NRXN1: variants seen among roughly 807,000 people sequenced by gnomAD.
The protein encoded by NRXN1 is neurexin 1.
Under a neutral mutation model 150.9 loss-of-function variants are expected in NRXN1, and 39 were observed. The ratio of observed to expected loss-of-function variants is 0.26; its 90% CI spans 0.20 to 0.34. The LOEUF is 0.34. NRXN1 is among the 10% of genes least tolerant of loss of function. NRXN1 has a pLI of 1.00. For missense variants in NRXN1, 1,815 were observed against 1,949.9 expected (o/e 0.93, Z 1.30); for synonymous variants, 924 against 757.0 (o/e 1.22, Z -3.62).
At chr2:50,101,785 A>T (rs1354791564) in intron 18 of NRXN1, among the ~76,000 whole-genome samples, 1 of 152,022 alleles carries the variant, frequency 6.6e-6, no homozygotes, top group African/African-American at 2.4e-5. Context: ...CTATTTGTGA[A>T]TCATGACTTG....
chr2:51,030,281 G>GCA (rs780431395), intron 1 of NRXN1, among the ~76,000 whole-genome samples: 8 of 151,328 alleles, frequency 5.3e-5, no homozygotes, highest in Non-Finnish European at 8.8e-5. Context: ...ATACACACAT[G>GCA]CACACACACA....
At chr2:50,401,736 GGAATTT>G (rs199867434) in intron 17 of NRXN1, among the ~76,000 whole-genome samples, 1,648 of 152,156 alleles carry the variant, frequency 0.011, 34 homozygotes, top group African/African-American at 0.036. Flanking sequence ...GCCTATGGTT[GGAATTT>G]TATTTTATTT....
intron 5 of NRXN1, among the ~76,000 whole-genome samples, chr2:50,645,658 T>C (rs573603564): frequency 6.6e-6 from 1 of 152,068 alleles, no homozygotes; most frequent in South Asian, 2.1e-4. Context: ...AATTACTTAA[T>C]TCACAATTTT....
intron 12 of NRXN1, among the ~76,000 whole-genome samples, chr2:50,509,730 AT>A (rs1381308925): frequency 6.6e-6 from 1 of 152,168 alleles, no homozygotes; most frequent in African/African-American, 2.4e-5. Context: ...ACCTTTCAGG[AT>A]TTCCTTTCCT....
intron 10 of NRXN1, among the ~76,000 whole-genome samples, chr2:50,535,352 A>T (rs1335644263): frequency 6.6e-6 from 1 of 152,208 alleles, no homozygotes; most frequent in Non-Finnish European, 1.5e-5. Context: ...ATTAAGTTTG[A>T]TAAATTTCCT....
intron 18 of NRXN1, among the ~76,000 whole-genome samples, chr2:50,103,581 G>T (rs184274045): frequency 2.0e-5 from 3 of 152,030 alleles, no homozygotes; most frequent in Admixed American, 2.0e-4. Context: ...TTAAATAAAT[G>T]AAGTTAAATG....
At chr2:50,704,987 A>C (rs531866433) in intron 5 of NRXN1, among the ~76,000 whole-genome samples, 41 of 152,072 alleles carry the variant, frequency 2.7e-4, no homozygotes, top group Non-Finnish European at 5.1e-4. Flanking sequence ...ACTTGCCTAA[A>C]GTTATGCAGC....
intron 17 of NRXN1, among the ~76,000 whole-genome samples, chr2:50,281,165 AAAAT>A (rs937282043): frequency 2.8e-5 from 4 of 140,654 alleles, no homozygotes; most frequent in East Asian, 2.4e-4. Flanking sequence ...AAAAAAAAAA[AAAAT>A]TAGCTGGGCA....
At chr2:50,089,599 C>T (rs1225114193) in intron 19 of NRXN1, among the ~76,000 whole-genome samples, 2 of 151,994 alleles carry the variant, frequency 1.3e-5, no homozygotes, top group African/African-American at 4.8e-5. Flanking sequence ...CCAGCCTGAG[C>T]AACATAGCGA....
intron 18 of NRXN1, among the ~76,000 whole-genome samples, chr2:50,157,941 C>T (rs188069994): frequency 2.7e-5 from 4 of 150,736 alleles, no homozygotes; most frequent in South Asian, 2.1e-4. Context: ...AGTAATCCCC[C>T]GAGAGTGGAT....
chr2:51,017,503 CTTTTTTTTTTTTTTTTTTTTTTTT>C (rs70958638), intron 2 of NRXN1, among the ~76,000 whole-genome samples: 1 of 44,302 alleles, frequency 2.3e-5, no homozygotes, highest in South Asian at 9.9e-4. Flanking sequence ...CCACATCTGG[CTTTTTTTTTTTTTTTTTTTTTTTT>C]TTTTTTTTTT....
chr2:50,832,035 A>T (rs544439438), intron 5 of NRXN1, among the ~76,000 whole-genome samples: 1 of 152,310 alleles, frequency 6.6e-6, no homozygotes, highest in South Asian at 2.1e-4. Context: ...GCAACAGTCA[A>T]CTGTAAAGAT....
chr2:50,925,883 T>C, intron 3 of NRXN1, 55 bp downstream of exon 3: 1 of 1,367,672 alleles, frequency 7.3e-7, no homozygotes, highest in Admixed American at 2.0e-5. Context: ...ACCCTATTAG[T>C]ACTAAGAAAT....
chr2:50,119,748 T>C (rs999361362), intron 18 of NRXN1, among the ~76,000 whole-genome samples: 1 of 152,146 alleles, frequency 6.6e-6, no homozygotes, highest in Admixed American at 6.5e-5. Flanking sequence ...GGTTCACCCA[T>C]CAGTCTTTGA....
At chr2:50,030,597 T>G (rs1689040870) in intron 21 of NRXN1, among the ~76,000 whole-genome samples, 1 of 152,172 alleles carries the variant, frequency 6.6e-6, no homozygotes, top group African/African-American at 2.4e-5. Context: ...TTCTCTCCCC[T>G]ATTGCAATAG....
chr2:49,928,366 T>C (rs1399292058), intron 22 of NRXN1, among the ~76,000 whole-genome samples: 1 of 152,090 alleles, frequency 6.6e-6, no homozygotes, highest in African/African-American at 2.4e-5. Flanking sequence ...AAGTAATAGA[T>C]TTTAAATTTC....
intron 21 of NRXN1, among the ~76,000 whole-genome samples, chr2:50,007,556 T>C (rs1356149297): frequency 1.3e-5 from 2 of 152,164 alleles, no homozygotes; most frequent in African/African-American, 2.4e-5. Flanking sequence ...GCAAAGAACA[T>C]GAACTCATCC....
intron 5 of NRXN1, among the ~76,000 whole-genome samples, chr2:50,637,095 A>T (rs997043926): frequency 6.6e-6 from 1 of 152,168 alleles, no homozygotes; most frequent in Non-Finnish European, 1.5e-5. Flanking sequence ...TATGTCCAAG[A>T]GCAGTAAATG....
chr2:50,464,336 G>C (rs2088587535), intron 17 of NRXN1: 2 of 151,778 alleles, frequency 1.3e-5, no homozygotes, highest in African/African-American at 4.8e-5. Flanking sequence ...TTTTCCAATA[G>C]TCAATATTTT....
Sources: gnomAD v4.1 joint callset for allele counts (sites outside exome capture counted in the v4.1 genomes callset) on GRCh38, gnomAD v4.1.1 for gene constraint, MANE v1.5 for transcripts, NCBI Gene and HGNC (gene_info 2026-07-23, HGNC 2026-07-21) for gene names.